The following NTNG1 variants were observed in gnomAD, a reference collection of about 807,000 sequenced individuals.
NTNG1 encodes the protein netrin G1.
Under a neutral mutation model 54.0 loss-of-function variants are expected in NTNG1, and 16 were observed. That is an observed-to-expected ratio of 0.30 (90% CI 0.20 to 0.45). The LOEUF (loss-of-function observed/expected upper bound fraction) is 0.45, where lower values mean the gene tolerates loss of function less well. NTNG1 is among the 20% of genes least tolerant of loss of function. The pLI, the probability that NTNG1 is intolerant of heterozygous loss-of-function variation, is 1.00. For synonymous variants in NTNG1, 255 were observed against 263.1 expected (o/e 0.97, Z 0.30); for missense variants, 530 against 678.7 (o/e 0.78, Z 2.43).
In NTNG1 at chr1:107,449,504, C is replaced by T. The variant is rs368006695; in HGVS notation, c.1390+12705C>T. On this transcript the variant is annotated intron_variant, in intron 7 of 7. Transcript: ENST00000370068. The stretch of plus-strand genomic sequence containing the variant: ...AACCCCAAGTGAGATGCAAGCTGGC[C>T]TCCAGTTTGCCACTCCTAGTTAGAC... Among the ~76,000 whole-genome samples, 24 of 152,044 alleles carry T rather than the reference C, an allele frequency of 1.6e-4. No homozygotes were observed. The South Asian group carries it at 4.8e-3, about 30-fold the overall frequency.
intron 5 of NTNG1, among the ~76,000 whole-genome samples, chr1:107,415,660 T>C (rs1674148481): frequency 6.6e-6 from 1 of 151,928 alleles, no homozygotes; most frequent in South Asian, 2.1e-4. Context: ...CCTAGTTGAT[T>C]TGTGAAAAAA....
chr1:107,371,614 T>A (rs2100993519), intron 3 of NTNG1, among the ~76,000 whole-genome samples: 1 of 152,114 alleles, frequency 6.6e-6, no homozygotes, highest in Admixed American at 6.5e-5. Flanking sequence ...TAGTTAGACA[T>A]CTTCCCACAG....
chr1:107,389,180 C>G (rs1262281643), intron 3 of NTNG1, among the ~76,000 whole-genome samples: 2 of 152,204 alleles, frequency 1.3e-5, no homozygotes, highest in African/African-American at 2.4e-5. Flanking sequence ...CTGAAAGGGC[C>G]CCGAAGCTAA....
intron 7 of NTNG1, 42 bp from the exon 8 acceptor site, chr1:107,480,569 T>TCGC: frequency 3.3e-6 from 2 of 609,590 alleles, no homozygotes; most frequent in Non-Finnish European, 3.1e-6. Context: ...CTGCTTCTCC[T>TCGC]CCCCGCGCCC....
chr1:107,262,164 A>G (rs941426748), intron 2 of NTNG1, among the ~76,000 whole-genome samples: 2 of 152,362 alleles, frequency 1.3e-5, no homozygotes, highest in East Asian at 3.9e-4. Context: ...TTTTACATTA[A>G]AAGTCTTATA....
intron 5 of NTNG1, among the ~76,000 whole-genome samples, chr1:107,422,194 G>T (rs1012761268): frequency 2.0e-5 from 3 of 152,056 alleles, no homozygotes; most frequent in Non-Finnish European, 2.9e-5. Context: ...ACCCAATTAG[G>T]TTTGAAATTT....
chr1:107,397,179 T>C (rs1672735323), intron 4 of NTNG1, among the ~76,000 whole-genome samples: 1 of 152,196 alleles, frequency 6.6e-6, no homozygotes, highest in Non-Finnish European at 1.5e-5. Flanking sequence ...TTAGTTTTAC[T>C]GGTTTTCTGT....
At chr1:107,315,328 G>T (rs1271927843) in intron 2 of NTNG1, among the ~76,000 whole-genome samples, 1 of 152,118 alleles carries the variant, frequency 6.6e-6, no homozygotes, top group Admixed American at 6.6e-5. Context: ...GGGTTGCTCT[G>T]CTTCTGCTGC....
At position 107,324,145 on chromosome 1, in the gene NTNG1, A is replaced by T. The variant is rs551596282; in HGVS notation, c.247-137A>T. On this transcript the variant is annotated intron_variant, in intron 2 of 7. Transcript: ENST00000370068. ...TAAAAGCTATTAAAGAGGAGAATCC[A>T]GTTAGGGCAAATAAAAATGATTACT... 6.8e-6 allele frequency: 5 copies of T among 738,200 alleles called. No homozygotes were observed. In the South Asian group the frequency reaches 8.8e-5, roughly 13 times the overall value. 45.7% of individuals were successfully genotyped at this position (738,200 alleles called of 1,614,324 possible).
intron 3 of NTNG1, among the ~76,000 whole-genome samples, chr1:107,364,244 ATTTG>A (rs967271307): frequency 6.6e-6 from 1 of 152,116 alleles, no homozygotes; most frequent in African/African-American, 2.4e-5. Context: ...CGGAATTTTA[ATTTG>A]TATTTACCAT....
At position 107,345,156 on chromosome 1, in the gene NTNG1, G is replaced by A. The variant is rs146701168; in HGVS notation, c.887+20234G>A. On this transcript the variant is annotated intron_variant, in intron 3 of 7. Transcript: ENST00000370068. ...ATGAAAATCTCTCCAAATGTTTTGA[G>A]TTTGTCTCATTTATTTACCTGGGAA... is the stretch of plus-strand genomic sequence containing the variant. Among the ~76,000 whole-genome samples, 1,048 of 152,242 alleles carry A rather than the reference G, an allele frequency of 6.9e-3. 13 individuals are homozygous for A. The highest frequency in any genetic ancestry group is 0.021 in the African/African-American group (858 of 41,538).
intron 3 of NTNG1, among the ~76,000 whole-genome samples, chr1:107,388,316 T>A (rs1036506218): frequency 1.3e-5 from 2 of 152,204 alleles, no homozygotes; most frequent in African/African-American, 4.8e-5. Context: ...ACAACCGTCC[T>A]TTGAAACCCC....
At chr1:107,165,184 C>T (rs1557773750) in intron 2 of NTNG1, among the ~76,000 whole-genome samples, 4 of 151,958 alleles carry the variant, frequency 2.6e-5, no homozygotes, top group African/African-American at 4.8e-5. Flanking sequence ...TTAGAACTAG[C>T]GGGAAAGCTG....
chr1:107,180,968 C>G (rs1325981756), intron 2 of NTNG1, among the ~76,000 whole-genome samples: 1 of 152,128 alleles, frequency 6.6e-6, no homozygotes, highest in Non-Finnish European at 1.5e-5. Context: ...TTTGGTCCAC[C>G]TCTGTATTTA....
chr1:107,311,186 G>T (rs573430900), intron 2 of NTNG1, among the ~76,000 whole-genome samples: 12 of 152,084 alleles, frequency 7.9e-5, no homozygotes, highest in Admixed American at 3.9e-4. Context: ...ATTTACAACC[G>T]TGCCATTCAG....
At chr1:107,283,528 T>C (rs984319111) in intron 2 of NTNG1, among the ~76,000 whole-genome samples, 2 of 152,224 alleles carry the variant, frequency 1.3e-5, no homozygotes, top group Admixed American at 1.3e-4. Flanking sequence ...CAAGTACATA[T>C]AGAAACATTA....
intron 2 of NTNG1, among the ~76,000 whole-genome samples, chr1:107,159,685 T>C (rs564833235): frequency 4.9e-4 from 75 of 152,312 alleles, no homozygotes; most frequent in African/African-American, 1.8e-3. Context: ...AGTGAAAACC[T>C]TTTTTAAAAA....
At chr1:107,413,075 G>A (rs1186264648) in intron 5 of NTNG1, among the ~76,000 whole-genome samples, 1 of 152,054 alleles carries the variant, frequency 6.6e-6, no homozygotes, top group Non-Finnish European at 1.5e-5. Context: ...AGGCTCTGGG[G>A]ATTTCTCCTG....
intron 3 of NTNG1, among the ~76,000 whole-genome samples, chr1:107,377,926 G>A (rs1671401454): frequency 1.3e-5 from 2 of 152,180 alleles, no homozygotes; most frequent in Admixed American, 1.3e-4. Context: ...ATTATATATT[G>A]CATAAAGGAA....
Sources: allele counts gnomAD v4.1 joint callset (sites outside exome capture counted in the v4.1 genomes callset), GRCh38; gene constraint gnomAD v4.1.1; transcripts MANE v1.5; gene names NCBI Gene and HGNC (gene_info 2026-07-23, HGNC 2026-07-21).